The following NPAS3 variants were observed in gnomAD, a reference collection of about 807,000 sequenced individuals.
NPAS3 encodes neuronal PAS domain protein 3.
A neutral mutation model predicts 73.1 loss-of-function variants in NPAS3; 14 were observed. The ratio of observed to expected loss-of-function variants is 0.19; its 90% CI spans 0.13 to 0.30. The LOEUF (loss-of-function observed/expected upper bound fraction) is 0.30, where lower values mean the gene tolerates loss of function less well. Among genes scored for constraint, NPAS3 ranks in the 10% least tolerant of loss-of-function variants. The pLI, the probability that NPAS3 is intolerant of heterozygous loss-of-function variation, is 1.00. For synonymous variants in NPAS3, 620 were observed against 541.5 expected (o/e 1.14, Z -2.01); for missense variants, 1,096 against 1,250.0 (o/e 0.88, Z 1.86).
chr14:33,780,594 C>A, intron 9 of NPAS3: 1 of 449,404 alleles, frequency 2.2e-6, no homozygotes, highest in South Asian at 1.6e-5. Flanking sequence ...TGGAAAACAT[C>A]ATGCATCATG....
intron 4 of NPAS3, among the ~76,000 whole-genome samples, chr14:33,370,882 G>C (rs1346222418): frequency 6.6e-6 from 1 of 152,104 alleles, no homozygotes; most frequent in Non-Finnish European, 1.5e-5. Context: ...GAAGTCGAGA[G>C]GGATGGTCTA....
intron 3 of NPAS3, among the ~76,000 whole-genome samples, chr14:33,314,132 T>A (rs1381680787): frequency 6.6e-6 from 1 of 152,064 alleles, no homozygotes; most frequent in East Asian, 1.9e-4. Flanking sequence ...CTAGCTTAGA[T>A]TGTTAAGTGA....
chr14:33,040,909 A>T (rs2040328630), intron 1 of NPAS3, among the ~76,000 whole-genome samples: 1 of 152,180 alleles, frequency 6.6e-6, no homozygotes. Flanking sequence ...CGAACTTCTC[A>T]ATGACCCTGT....
At chr14:33,164,328 T>C (rs73270585) in intron 2 of NPAS3, among the ~76,000 whole-genome samples, 7,299 of 152,266 alleles carry the variant, frequency 0.048, 342 homozygotes, top group East Asian at 0.13. Context: ...GCTTCACTTA[T>C]CAGAGAATGG....
At chr14:33,263,343 A>G (rs561057845) in intron 3 of NPAS3, among the ~76,000 whole-genome samples, 482 of 152,206 alleles carry the variant, frequency 3.2e-3, no homozygotes, top group African/African-American at 0.011. Context: ...CGTATGGCTA[A>G]CCAGTTTTCT....
At chr14:33,711,781 G>GTCAC (rs1211251516) in intron 6 of NPAS3, among the ~76,000 whole-genome samples, 1 of 152,070 alleles carries the variant, frequency 6.6e-6, no homozygotes, top group Admixed American at 6.5e-5. Flanking sequence ...TCCTACCAGG[G>GTCAC]TCACTCGCAC....
At chr14:33,119,405 G>A (rs1195448785) in intron 2 of NPAS3, among the ~76,000 whole-genome samples, 4 of 152,048 alleles carry the variant, frequency 2.6e-5, no homozygotes, top group Admixed American at 2.6e-4. Context: ...TATTTTTAGT[G>A]GAGGAGGGAG....
chr14:33,215,133 G>A, intron 2 of NPAS3, 49 bp from the exon 3 acceptor site: 1 of 1,578,544 alleles, frequency 6.3e-7, no homozygotes, highest in South Asian at 1.1e-5. Context: ...TTTGAATGAT[G>A]ACAGAGTCAC....
At chr14:33,198,196 G>A (rs940852852) in intron 2 of NPAS3, among the ~76,000 whole-genome samples, 2 of 152,186 alleles carry the variant, frequency 1.3e-5, no homozygotes, top group African/African-American at 2.4e-5. Flanking sequence ...GTGAGCAACA[G>A]CAAGAGTTAT....
rs954554609 is a variant in NPAS3, at chr14:33,745,012, A to G, written c.852+9680A>G. ...TCCCAGCACTTTGGGAGGCTGAGGC[A>G]AGAGGATTGCTTGAGCCCAGGCATT... On this transcript the variant is annotated intron_variant, in intron 7 of 11. Transcript: ENST00000356141. 2.6e-4 allele frequency among the ~76,000 whole-genome samples: 39 copies of G among 152,116 alleles called. 1 individual carries two copies. The highest frequency in any genetic ancestry group is 9.7e-5 in the African/African-American group (4 of 41,424).
intron 7 of NPAS3, among the ~76,000 whole-genome samples, chr14:33,744,405 A>AAG (rs2061733655): frequency 6.6e-6 from 1 of 152,164 alleles, no homozygotes; most frequent in African/African-American, 2.4e-5. Flanking sequence ...TTCACCTCTT[A>AAG]TTTGGACCAT....
At chr14:33,715,798 G>A (rs902283876) in intron 6 of NPAS3, among the ~76,000 whole-genome samples, 6 of 152,202 alleles carry the variant, frequency 3.9e-5, no homozygotes, top group African/African-American at 1.2e-4. Flanking sequence ...GACCCAGTGG[G>A]AGGTAACTGA....
chr14:33,568,936 T>C (rs1388265809), intron 5 of NPAS3, among the ~76,000 whole-genome samples: 1 of 152,190 alleles, frequency 6.6e-6, no homozygotes, highest in Non-Finnish European at 1.5e-5. Flanking sequence ...AAATCATCAT[T>C]GTTAAAGAGA....
intron 1 of NPAS3, among the ~76,000 whole-genome samples, chr14:32,963,528 G>A (rs945092970): frequency 1.3e-5 from 2 of 152,236 alleles, no homozygotes; most frequent in East Asian, 3.9e-4. Context: ...AATTGATGCC[G>A]AGGAGGGTAG....
At chr14:33,671,301 C>T (rs1888043) in intron 5 of NPAS3, among the ~76,000 whole-genome samples, 67,158 of 151,936 alleles carry the variant, frequency 0.44, 16,698 homozygotes, top group Non-Finnish European at 0.56. Context: ...ACAAATTAGC[C>T]CCCCCATCCT....
chr14:33,459,418 C>T (rs1443093283), intron 4 of NPAS3, among the ~76,000 whole-genome samples: 3 of 152,190 alleles, frequency 2.0e-5, no homozygotes, highest in African/African-American at 7.2e-5. Context: ...GTTATTGATT[C>T]ACTTAACCAG....
At chr14:33,262,323 A>C (rs1022274425) in intron 3 of NPAS3, among the ~76,000 whole-genome samples, 41 of 152,236 alleles carry the variant, frequency 2.7e-4, no homozygotes, top group Admixed American at 2.1e-3. Context: ...AAATAAGTGT[A>C]GGCAATACAG....
intron 4 of NPAS3, among the ~76,000 whole-genome samples, chr14:33,417,973 C>T (rs759915335): frequency 4.6e-5 from 7 of 151,872 alleles, no homozygotes; most frequent in South Asian, 2.1e-4. Flanking sequence ...ATTGCACACA[C>T]GCTCATTGTT....
At chr14:33,803,886 T>G (rs1181544285), downstream of NPAS3, 1 of 152,166 alleles carries the variant, frequency 6.6e-6, no homozygotes, top group African/African-American at 2.4e-5. Flanking sequence ...CTACGATATA[T>G]ATATAAAAAA....
Sources: allele counts gnomAD v4.1 joint callset (sites outside exome capture counted in the v4.1 genomes callset), GRCh38; gene constraint gnomAD v4.1.1; transcripts MANE v1.5; gene names NCBI Gene and HGNC (gene_info 2026-07-23, HGNC 2026-07-21).